Variants in PCDHA4 observed in about 807,000 individuals in gnomAD.
PCDHA4 encodes protocadherin alpha-4.
Under a neutral mutation model 61.4 loss-of-function variants are expected in PCDHA4, and 49 were observed. The observed-to-expected ratio is 0.80, with a 90% CI of 0.63 to 1.01. The LOEUF (loss-of-function observed/expected upper bound fraction) is 1.01. PCDHA4 is among the 50% of genes least tolerant of loss of function. The pLI is 0.00. For synonymous variants in PCDHA4, 590 were observed against 550.3 expected, an observed-to-expected ratio of 1.07 and a Z score of -1.01; for missense variants, 1,254 against 1,235.8, an observed-to-expected ratio of 1.01 and a Z score of -0.22.
chr5:140,884,083 G>A, intron 1 of PCDHA4: 1 of 1,613,596 alleles, frequency 6.2e-7, no homozygotes. Context: ...GCTACAATGC[G>A]TGGCTTTCGT....
Position 140,809,404 on chromosome 5 carries a change from G to C in PCDHA4, c.2217G>C (p.Leu739=). ...CGTGCGCTCCGGGCAAGCCCACGCT[G>C]GTGTGCTCCAGTGCGGTGGGGAGCT... The part of the protein sequence containing the change: ...EGACAPGKPT[L]VCSSAVGSWS... The change falls in exon 1 of 4, where the codon CTG becomes CTC. Residue 739 remains leucine, a synonymous_variant. Transcript: ENST00000530339. The C allele has an allele frequency of 6.2e-7, 1 of 1,614,214 alleles. No individual in the cohort carries two copies. The highest frequency in any genetic ancestry group is 1.7e-5 in the Admixed American group (1 of 60,032).
intron 1 of PCDHA4, chr5:140,930,059 A>G (rs1486359495): frequency 6.6e-6 from 1 of 152,200 alleles, no homozygotes; most frequent in Non-Finnish European, 1.5e-5. Flanking sequence ...TTGCTTACAC[A>G]AAAACTGTAA....
intron 1 of PCDHA4, chr5:140,876,434 A>G (rs2056340599): frequency 1.2e-6 from 2 of 1,613,976 alleles, no homozygotes; most frequent in Non-Finnish European, 1.7e-6. Flanking sequence ...ATTCAGGTTA[A>G]CGCCATTGAT....
intron 3 of PCDHA4, among the ~76,000 whole-genome samples, chr5:141,003,860 G>T (rs1224171720): frequency 6.6e-6 from 1 of 152,136 alleles, no homozygotes; most frequent in African/African-American, 2.4e-5. Flanking sequence ...ATTTATATGT[G>T]TCTGAAATCC....
At chr5:140,928,077 C>T in intron 1 of PCDHA4, 1 of 1,614,230 alleles carries the variant, frequency 6.2e-7, no homozygotes, top group Non-Finnish European at 8.5e-7. Context: ...ACAACTACTA[C>T]AGCCTGCTGA....
chr5:140,869,089 C>T (rs141432478), intron 1 of PCDHA4: 5 of 1,588,880 alleles, frequency 3.1e-6, no homozygotes, highest in Non-Finnish European at 4.3e-6. Flanking sequence ...ATTTTGGAAG[C>T]CAATTTCGTA....
Position 141,010,021 on chromosome 5 carries a change from T to C in PCDHA4, c.*84T>C. 1 of 1,572,108 alleles carries C rather than the reference T, an allele frequency of 6.4e-7. No individual in the cohort carries two copies. The highest frequency in any genetic ancestry group is 1.9e-5 in the Admixed American group (1 of 52,756). On this transcript the variant is annotated 3_prime_UTR_variant, in exon 4 of 4. Coordinates refer to ENST00000530339, the MANE Select transcript of PCDHA4 (RefSeq NM_018907.4). ...CATGTAGCAATTCCCTGCTCCTTTTTCCTATCTACATGAGCCCTCTTAGAG... is the reference window on the plus strand; with the variant it reads ...CATGTAGCAATTCCCTGCTCCTTTTCCCTATCTACATGAGCCCTCTTAGAG...
intron 1 of PCDHA4, chr5:140,968,997 G>A (rs1459602291): frequency 6.2e-7 from 1 of 1,614,092 alleles, no homozygotes; most frequent in African/African-American, 1.3e-5. Flanking sequence ...TGCTGTGGAG[G>A]CTTCTGTGGA....
Position 140,843,293 on chromosome 5 carries a change from G to C in PCDHA4, c.2385+33721G>C. ...CCTGGTGAAGGATCATGGTGAACCT[G>C]CGCTGACCGCCACGGCCACGGTTCT... On this transcript the variant is annotated intron_variant, in intron 1 of 3. Transcript: ENST00000530339. 17 of 1,595,972 alleles carry C rather than the reference G, an allele frequency of 1.1e-5. 4 individuals are homozygous for C. The highest frequency in any genetic ancestry group is 1.5e-5 in the Non-Finnish European group (17 of 1,165,570).
chr5:140,846,378 T>C (rs1033282132), intron 1 of PCDHA4, among the ~76,000 whole-genome samples: 4 of 135,270 alleles, frequency 3.0e-5, no homozygotes, highest in Middle Eastern at 3.8e-3. Flanking sequence ...TCTTTCTTTT[T>C]TTTTTTTTTT....
intron 1 of PCDHA4, among the ~76,000 whole-genome samples, chr5:140,960,799 A>C (rs2095571237): frequency 6.6e-6 from 1 of 152,170 alleles, no homozygotes; most frequent in Non-Finnish European, 1.5e-5. Flanking sequence ...TTTCTATTAA[A>C]ATAAGAGGTC....
At chr5:140,850,781 G>C (rs2150498025) in intron 1 of PCDHA4, 2 of 1,598,096 alleles carry the variant, frequency 1.3e-6, no homozygotes, top group African/African-American at 2.7e-5. Context: ...GCTCTGGCGA[G>C]GGTAAGCAGA....
At chr5:140,874,008 T>C (rs2054633118) in intron 1 of PCDHA4, among the ~76,000 whole-genome samples, 5 of 152,208 alleles carry the variant, frequency 3.3e-5, no homozygotes. Context: ...CATTGACCAC[T>C]TTTGAAAATG....
intron 1 of PCDHA4, chr5:140,842,126 C>G (rs2150329833): frequency 6.2e-7 from 1 of 1,613,822 alleles, no homozygotes; most frequent in South Asian, 1.1e-5. Context: ...TGCTTCTGAT[C>G]CGGATGAAGG....
At chr5:140,993,462 T>TCACA (rs3836747) in intron 3 of PCDHA4, among the ~76,000 whole-genome samples, 8,584 of 140,952 alleles carry the variant, frequency 0.061, 300 homozygotes, top group Admixed American at 0.12. Flanking sequence ...TCTTTCTTTC[T>TCACA]CACACACACA....
At chr5:140,828,749 C>T (rs2150158539) in intron 1 of PCDHA4, 1 of 1,614,192 alleles carries the variant, frequency 6.2e-7, no homozygotes, top group South Asian at 1.1e-5. Flanking sequence ...TGGGGGCAAA[C>T]CTGAGCTCAC....
Position 140,807,757 on chromosome 5 carries a change from A to T in PCDHA4, c.570A>T (p.Lys190Asn), listed in dbSNP as rs1319661297. Residue 190 changes from lysine to asparagine, a missense_variant, in exon 1 of 4, where the codon AAA (lysine) becomes AAT (asparagine). By Grantham distance (94) the Lys-to-Asn change is moderately conservative (BLOSUM62 0). Coordinates refer to ENST00000530339, the MANE Select transcript of PCDHA4 (RefSeq NM_018907.4). ...AACCACCTGATGACGAGCTGGTAAA[A>T]GGTCTTGGGCTTATATTACGGAAAT... ...LEKPPDDELV[K>N]GLGLILRKSL... 1 of 1,614,068 alleles carries T rather than the reference A, an allele frequency of 6.2e-7. No individual in the cohort carries two copies.
intron 1 of PCDHA4, among the ~76,000 whole-genome samples, chr5:140,873,452 C>A (rs147398020): frequency 6.4e-4 from 97 of 152,122 alleles, no homozygotes; most frequent in Non-Finnish European, 1.1e-3. Context: ...AACAAATTTG[C>A]ATTTTAGATA....
chr5:140,955,078 G>T lies in PCDHA4; in HGVS notation c.2386-23871G>T, dbSNP rs192023775. On this transcript the variant is annotated intron_variant, in intron 1 of 3. Transcript: ENST00000530339. ...TTGTCAGGTTTGTTGAAGATCAGAT[G>T]GTTGTAGGTGTGTGGTGTTATTTCT... Among the ~76,000 whole-genome samples, 36 of 152,228 alleles carry T rather than the reference G, an allele frequency of 2.4e-4. No homozygotes were observed. In the East Asian group the frequency reaches 6.6e-3, roughly 28 times the overall value.
Sources: allele counts gnomAD v4.1 joint callset (sites outside exome capture counted in the v4.1 genomes callset), GRCh38; gene constraint gnomAD v4.1.1; transcripts MANE v1.5; gene names NCBI Gene and HGNC (gene_info 2026-07-23, HGNC 2026-07-21).